CFAP70: variants seen among roughly 807,000 people sequenced by gnomAD.
The protein encoded by CFAP70 is cilia and flagella associated protein 70.
In CFAP70, 81 loss-of-function variants were observed where a neutral mutation model predicts 137.6. The observed-to-expected ratio is 0.59, with a 90% CI of 0.49 to 0.71. The LOEUF is 0.71. Among genes scored for constraint, CFAP70 ranks in the 30% least tolerant of loss-of-function variants. The pLI, the probability that CFAP70 is intolerant of heterozygous loss-of-function variation, is 0.00. For synonymous variants in CFAP70, 382 were observed against 423.6 expected, an observed-to-expected ratio of 0.90 and a Z score of 1.20; for missense variants, 976 against 1,226.7, an observed-to-expected ratio of 0.80 and a Z score of 3.05.
intron 25 of CFAP70, among the ~76,000 whole-genome samples, chr10:73,268,385 G>C (rs1361201393): frequency 6.6e-6 from 1 of 152,042 alleles, no homozygotes; most frequent in African/African-American, 2.4e-5. Context: ...TTTTGCATGT[G>C]GTCAACCTTT....
chr10:73,302,883 C>CTTTTCTTTTT (rs545853627), intron 12 of CFAP70, among the ~76,000 whole-genome samples: 3 of 131,002 alleles, frequency 2.3e-5, no homozygotes, highest in South Asian at 2.5e-4. Flanking sequence ...CTTTTCTTTT[C>CTTTTCTTTTT]TTTTTTTTTT....
chr10:73,291,978 A>G (rs376052467), exon 17 of CFAP70: 19 of 1,614,060 alleles, frequency 1.2e-5, no homozygotes, highest in African/African-American at 1.1e-4. Context: ...CCATAGTCCA[A>G]CCAGTGATCC....
chr10:73,354,697 A>G, intron 2 of CFAP70, 37 bp downstream of exon 2: 1 of 1,593,798 alleles, frequency 6.3e-7, no homozygotes, highest in Non-Finnish European at 8.6e-7. Context: ...GTACTCCCAA[A>G]CTAAGGATTT....
intron 19 of CFAP70, among the ~76,000 whole-genome samples, chr10:73,278,787 C>T (rs2046996764): frequency 6.6e-6 from 1 of 151,406 alleles, no homozygotes; most frequent in African/African-American, 2.4e-5. Flanking sequence ...CAGTACCATC[C>T]TGGCTAACGC....
At chr10:73,325,068 G>A (rs922877029) in intron 8 of CFAP70, among the ~76,000 whole-genome samples, 61 of 152,152 alleles carry the variant, frequency 4.0e-4, no homozygotes, top group Admixed American at 4.6e-4. Context: ...AGGAAAAAAT[G>A]TTAAGGGCAG....
At chr10:73,262,661 T>A (rs142639071) in intron 25 of CFAP70, among the ~76,000 whole-genome samples, 82 of 152,144 alleles carry the variant, frequency 5.4e-4, no homozygotes, top group Admixed American at 2.6e-3. Flanking sequence ...TAGAAAAAAA[T>A]TTTTAATAAT....
chr10:73,297,945 A>G (rs1246902920), intron 14 of CFAP70, among the ~76,000 whole-genome samples: 1 of 152,216 alleles, frequency 6.6e-6, no homozygotes, highest in Non-Finnish European at 1.5e-5. Context: ...AAACTGAGAC[A>G]TGACGACACC....
rs138386518 is a variant in CFAP70 at position 73,354,475 on chromosome 10, T to G, written c.63+259A>C. On this transcript the variant is annotated intron_variant, in intron 2 of 26. Coordinates refer to ENST00000310715, the Ensembl canonical transcript of CFAP70. ...CCTTCTCAGGAGAAAGGGAAAAAAA[T>G]TATACGTGAACTGCTGTCTAGGGAA... is the stretch of plus-strand genomic sequence containing the variant. Among the ~76,000 whole-genome samples, 400 of 152,248 alleles carry G rather than the reference T, an allele frequency of 2.6e-3. 3 individuals are homozygous for G. The highest frequency in any genetic ancestry group is 0.024 in the Admixed American group (373 of 15,272).
chr10:73,298,153 ACT>A (rs201125601), intron 14 of CFAP70, among the ~76,000 whole-genome samples: 6,358 of 152,276 alleles, frequency 0.042, 371 homozygotes, highest in African/African-American at 0.13. Context: ...ATTGATCTTT[ACT>A]ATCTCTGTGA....
chr10:73,284,744 A>G (rs1283588863), intron 19 of CFAP70, among the ~76,000 whole-genome samples: 1 of 1,692 alleles, frequency 5.9e-4, no homozygotes, highest in African/African-American at 3.1e-3. Context: ...TGCCACATAT[A>G]TATATATATA....
At chr10:73,328,748 A>G (rs1392670063) in intron 8 of CFAP70, among the ~76,000 whole-genome samples, 1 of 150,232 alleles carries the variant, frequency 6.7e-6, no homozygotes, top group Non-Finnish European at 1.5e-5. Flanking sequence ...AATGCTCACC[A>G]TCACTGGCCA....
chr10:73,328,204 T>C (rs1327477628), intron 8 of CFAP70, among the ~76,000 whole-genome samples: 2 of 152,068 alleles, frequency 1.3e-5, no homozygotes, highest in Non-Finnish European at 2.9e-5. Context: ...AACTATCTGA[T>C]CTTTGACAAA....
intron 3 of CFAP70, among the ~76,000 whole-genome samples, chr10:73,350,310 G>A (rs75788259): frequency 0.15 from 23,237 of 151,906 alleles, 2,886 homozygotes; most frequent in African/African-American, 0.32. Context: ...AGGATAACAG[G>A]GTTTGATATG....
Position 73,278,161 on chromosome 10 carries a change from A to T in CFAP70, c.2398+18T>A. ...GCTTATGCCCCTCTTCCAAGTGGAAATCTTTATTTCTAGTTACCTTTCTTT... is the reference window on the plus strand; with the variant it reads ...GCTTATGCCCCTCTTCCAAGTGGAATTCTTTATTTCTAGTTACCTTTCTTT... On this transcript the variant is annotated intron_variant, in intron 20 of 26. Coordinates refer to ENST00000310715, the Ensembl canonical transcript of CFAP70. The T allele has an allele frequency of 6.2e-7, 1 of 1,611,118 alleles. No individual in the cohort carries two copies. Among genetic ancestry groups the T allele is most frequent in the Non-Finnish European group, 8.5e-7 (1 of 1,178,348 alleles).
At chr10:73,265,848 CTCTT>C (rs923620207) in intron 25 of CFAP70, among the ~76,000 whole-genome samples, 3 of 150,922 alleles carry the variant, frequency 2.0e-5, no homozygotes, top group Non-Finnish European at 4.4e-5. Flanking sequence ...GCCACTCTTA[CTCTT>C]TCTTTCATAC....
At chr10:73,263,962 A>G (rs1400845466) in intron 25 of CFAP70, among the ~76,000 whole-genome samples, 2 of 152,270 alleles carry the variant, frequency 1.3e-5, no homozygotes, top group Non-Finnish European at 2.9e-5. Context: ...TTGTTTAATT[A>G]TATCACTGTG....
At chr10:73,356,414 G>T (rs189217385) in intron 1 of CFAP70, among the ~76,000 whole-genome samples, 2 of 152,002 alleles carry the variant, frequency 1.3e-5, no homozygotes, top group Admixed American at 1.3e-4. Flanking sequence ...GTCTAGGCTG[G>T]TCTCGACGGC....
intron 12 of CFAP70, among the ~76,000 whole-genome samples, chr10:73,300,127 G>A (rs1413473767): frequency 1.3e-5 from 2 of 152,046 alleles, no homozygotes; most frequent in African/African-American, 4.8e-5. Flanking sequence ...TGTACTCTTG[G>A]CATAATTTAT....
Position 73,310,146 on chromosome 10 carries a change from A to G in CFAP70, c.1256+12T>C. 6.3e-7 allele frequency: 1 copy of G among 1,588,536 alleles called. No individual in the cohort carries two copies. The highest frequency in any genetic ancestry group is 8.6e-7 in the Non-Finnish European group (1 of 1,164,452). The stretch of plus-strand genomic sequence containing the variant: ...ATTGTACAAAACTAGTATAAGCACC[A>G]TAGCTACAAACCTTCTGGCTAGCTC... On this transcript the variant is annotated intron_variant, in intron 12 of 26. Transcript: ENST00000310715.
Sources: allele counts gnomAD v4.1 joint callset (sites outside exome capture counted in the v4.1 genomes callset), GRCh38; gene constraint gnomAD v4.1.1; transcripts MANE v1.5; gene names NCBI Gene and HGNC (gene_info 2026-07-23, HGNC 2026-07-21).